Variants in PUDP observed in about 807,000 individuals in gnomAD.
PUDP encodes the protein pseudouridine-5'-phosphatase.
In PUDP, 8 loss-of-function variants were observed where a neutral mutation model predicts 9.4. The ratio of observed to expected loss-of-function variants is 0.85; its 90% CI spans 0.50 to 1.53. PUDP has a LOEUF of 1.53. Ranked by LOEUF, PUDP falls within the 40% of genes most tolerant of loss-of-function variation. The pLI is 0.00. For synonymous variants in PUDP, 99 were observed against 80.7 expected (o/e 1.23, Z -1.22); for missense variants, 188 against 189.7 (o/e 0.99, Z 0.05).
chrX:7,063,703 G>A (rs1930470670), intron 3 of PUDP, among the ~76,000 whole-genome samples: 1 of 111,775 alleles, frequency 8.9e-6, no homozygotes, highest in African/African-American at 3.3e-5. Context: ...GGGTGCAGTG[G>A]TGCAATCACA....
chrX:6,865,020 T>C (rs1202074604), intron 3 of PUDP, among the ~76,000 whole-genome samples: 1 of 112,257 alleles, frequency 8.9e-6, no homozygotes, highest in African/African-American at 3.2e-5. Context: ...CATTCCATTG[T>C]AATTCTTTTT....
chrX:6,709,640 G>C (rs1277584548), intron 1 of PUDP, among the ~76,000 whole-genome samples: 1 of 112,144 alleles, frequency 8.9e-6, no homozygotes, highest in Non-Finnish European at 1.9e-5. Context: ...AAAGTTGCTT[G>C]AGTGGAATTG....
chrX:6,718,056 T>C (rs1924620278), intron 1 of PUDP, among the ~76,000 whole-genome samples: 1 of 111,699 alleles, frequency 9.0e-6, no homozygotes, highest in Non-Finnish European at 1.9e-5. Context: ...TTTTTTTTCT[T>C]GTTGAGTTAT....
chrX:6,775,504 T>TACAC (rs1555909727), intron 3 of PUDP, among the ~76,000 whole-genome samples: 29 of 100,844 alleles, frequency 2.9e-4, no homozygotes, highest in African/African-American at 1.0e-3. Flanking sequence ...TACACACACA[T>TACAC]ACACACACAC....
At chrX:6,847,903 G>A (rs1390423262) in intron 3 of PUDP, among the ~76,000 whole-genome samples, 1 of 111,574 alleles carries the variant, frequency 9.0e-6, no homozygotes, top group Non-Finnish European at 1.9e-5. Context: ...GGAAGTAGAA[G>A]GGAAAAAGTG....
At chrX:6,910,843 T>C (rs1927838174) in intron 3 of PUDP, among the ~76,000 whole-genome samples, 1 of 112,048 alleles carries the variant, frequency 8.9e-6, no homozygotes, top group Admixed American at 9.5e-5. Flanking sequence ...GATCAAGATG[T>C]GGCAAATACA....
At chrX:6,918,142 T>C (rs1298163845) in intron 3 of PUDP, among the ~76,000 whole-genome samples, 1 of 112,360 alleles carries the variant, frequency 8.9e-6, no homozygotes, top group African/African-American at 3.2e-5. Context: ...CCAGATCTTA[T>C]TAATCTGCTC....
chrX:6,774,356 C>G (rs1230100208), intron 3 of PUDP, among the ~76,000 whole-genome samples: 1 of 112,165 alleles, frequency 8.9e-6, no homozygotes, highest in Non-Finnish European at 1.9e-5. Context: ...CTTGCCTGAC[C>G]TGCATCATGG....
intron 3 of PUDP, among the ~76,000 whole-genome samples, chrX:6,758,132 T>C (rs1033250432): frequency 3.6e-5 from 4 of 111,925 alleles, no homozygotes; most frequent in Non-Finnish European, 7.5e-5. Context: ...TTCAAAAAAA[T>C]ATATCAGTGT....
At chrX:6,748,601 T>A (rs1427691564) in intron 3 of PUDP, among the ~76,000 whole-genome samples, 1 of 111,262 alleles carries the variant, frequency 9.0e-6, no homozygotes, top group Admixed American at 9.6e-5. Flanking sequence ...TTGAAAAAAT[T>A]AAGACAATCC....
At chrX:6,793,949 CT>C (rs756108900) in intron 3 of PUDP, among the ~76,000 whole-genome samples, 195 of 111,652 alleles carry the variant, frequency 1.7e-3, no homozygotes, top group Non-Finnish European at 3.1e-3. Context: ...TGATTTCCTA[CT>C]ACCTATTATC....
chrX:6,988,819 A>G (rs944760473), intron 1 of PUDP, among the ~76,000 whole-genome samples: 1 of 110,857 alleles, frequency 9.0e-6, no homozygotes, highest in African/African-American at 3.3e-5. Context: ...GGCCCAGGAG[A>G]GGCCTGGGCA....
intron 3 of PUDP, among the ~76,000 whole-genome samples, chrX:6,745,495 A>T: frequency 8.9e-6 from 1 of 112,320 alleles, no homozygotes; most frequent in East Asian, 2.8e-4. Flanking sequence ...CACACCACAG[A>T]AACTCATTAT....
intron 3 of PUDP, among the ~76,000 whole-genome samples, chrX:7,066,865 A>G (rs984480119): frequency 2.0e-4 from 22 of 112,255 alleles, no homozygotes; most frequent in African/African-American, 7.1e-4. Context: ...CATATCAATC[A>G]CACACACATA....
intron 3 of PUDP, among the ~76,000 whole-genome samples, chrX:6,751,716 C>T (rs922518683): frequency 9.0e-6 from 1 of 111,298 alleles, no homozygotes; most frequent in African/African-American, 3.3e-5. Flanking sequence ...AATATTTCTC[C>T]TCACTTCTCA....
At chrX:7,079,816 T>C (rs1306213091) in intron 2 of PUDP, among the ~76,000 whole-genome samples, 1 of 112,228 alleles carries the variant, frequency 8.9e-6, no homozygotes, top group Non-Finnish European at 1.9e-5. Context: ...TGAAAACTGA[T>C]GGCATTGAGT....
At chrX:7,050,869 T>C (rs1649708445) in intron 3 of PUDP, among the ~76,000 whole-genome samples, 1 of 112,542 alleles carries the variant, frequency 8.9e-6, no homozygotes, top group African/African-American at 3.2e-5. Flanking sequence ...ATAAAACCAC[T>C]TCAGAGCTGC....
intron 1 of PUDP, among the ~76,000 whole-genome samples, chrX:7,007,560 T>C (rs1929418681): frequency 8.9e-6 from 1 of 112,643 alleles, no homozygotes; most frequent in Non-Finnish European, 1.9e-5. Context: ...TCCCTTTGTC[T>C]ACTCAGTTAT....
chrX:7,082,667 G>A (rs748638095), intron 2 of PUDP, among the ~76,000 whole-genome samples: 5 of 112,431 alleles, frequency 4.4e-5, no homozygotes, highest in Admixed American at 9.3e-5. Context: ...GTGAGAAGAC[G>A]CTGATGCTAT....
Sources: allele counts gnomAD v4.1 joint callset (sites outside exome capture counted in the v4.1 genomes callset), GRCh38; gene constraint gnomAD v4.1.1; transcripts MANE v1.5; gene names NCBI Gene and HGNC (gene_info 2026-07-23, HGNC 2026-07-21).